The following NCAPG2 variants were observed in gnomAD, a reference collection of about 807,000 sequenced individuals.
NCAPG2 encodes the protein condensin-2 complex subunit G2.
A neutral mutation model predicts 141.1 loss-of-function variants in NCAPG2; 53 were observed. That is an observed-to-expected ratio of 0.38 (90% CI 0.30 to 0.47). The LOEUF (loss-of-function observed/expected upper bound fraction) is 0.47, where lower values mean the gene tolerates loss of function less well. NCAPG2 is among the 20% of genes least tolerant of loss of function. The pLI, the probability that NCAPG2 is intolerant of heterozygous loss-of-function variation, is 0.99. For synonymous variants in NCAPG2, 499 were observed against 490.7 expected, an observed-to-expected ratio of 1.02 and a Z score of -0.22; for missense variants, 1,087 against 1,389.0, an observed-to-expected ratio of 0.78 and a Z score of 3.46.
At chr7:158,662,421 A>G in intron 15 of NCAPG2, 54 bp from the exon 16 acceptor site, 2 of 1,434,788 alleles carry the variant, frequency 1.4e-6, no homozygotes. Context: ...AACTACTAAA[A>G]GGTAACAGCA....
In NCAPG2 at chr7:158,668,328, C is replaced by T. The variant is rs533641881; in HGVS notation, c.1479+3186G>A. ...CTTACCCACTACTGGGTCCCTCCGC[C>T]CTCCCTTACCCACAACTGGGTCCCT... On this transcript the variant is annotated intron_variant, in intron 13 of 27. Coordinates refer to ENST00000356309, the MANE Select transcript of NCAPG2 (RefSeq NM_017760.7). 75 of 966,364 alleles carry T rather than the reference C, an allele frequency of 7.8e-5. No homozygotes were observed. In the African/African-American group the frequency reaches 1.4e-3, roughly 19 times the overall value. 59.9% of individuals were successfully genotyped at this position (966,364 alleles called of 1,614,324 possible). A position where few individuals can be genotyped will look rare whatever the true frequency, so the allele number is the denominator to read the frequency against.
chr7:158,657,965 A>T (rs534067167), intron 17 of NCAPG2, among the ~76,000 whole-genome samples: 1 of 151,872 alleles, frequency 6.6e-6, no homozygotes, highest in South Asian at 2.1e-4. Flanking sequence ...CATGCTCGTT[A>T]AGAGTCATCA....
In NCAPG2 at chr7:158,667,386, A is replaced by G. The variant is rs1434586897; in HGVS notation, c.1480-2636T>C. 10 of 145,992 alleles carry G rather than the reference A, an allele frequency of 6.8e-5. 1 individual carries two copies. The African/African-American group carries it at 1.1e-3, about 15-fold the overall frequency. 9.0% of individuals were successfully genotyped at this position (145,992 alleles called of 1,614,324 possible). On this transcript the variant is annotated intron_variant, in intron 13 of 27. Transcript: ENST00000356309. ...CGGATCCCTCCGCCCCCCCTTACCC[A>G]CTACTGGGTCCCTCCGCCCTCCTTA... is the stretch of plus-strand genomic sequence containing the variant.
chr7:158,659,191 T>C lies in NCAPG2; in HGVS notation c.1990-783A>G, dbSNP rs184968839. Among the ~76,000 whole-genome samples, 294 of 151,570 alleles carry C rather than the reference T, an allele frequency of 1.9e-3. 4 individuals carry two copies. Among genetic ancestry groups the C allele is most frequent in the African/African-American group, 6.9e-3 (287 of 41,298 alleles). On this transcript the variant is annotated intron_variant, in intron 16 of 27. Coordinates refer to ENST00000356309, the MANE Select transcript of NCAPG2 (RefSeq NM_017760.7). Reference sequence around the variant, plus strand: ...CTGAAAATTCAAAATTAGCCAGGCATGGTGGCTCACGCCTGTAATCCCAAC... The same window carrying C: ...CTGAAAATTCAAAATTAGCCAGGCACGGTGGCTCACGCCTGTAATCCCAAC...
At chr7:158,664,106 G>A (rs868067934) in intron 15 of NCAPG2, 78 bp downstream of exon 15, 13 of 1,107,128 alleles carry the variant, frequency 1.2e-5, no homozygotes, top group Non-Finnish European at 1.4e-5. Flanking sequence ...GAAAACATAG[G>A]AATATTCCTA....
At chr7:158,684,861 A>G (rs1834661093) in intron 8 of NCAPG2, among the ~76,000 whole-genome samples, 1 of 152,094 alleles carries the variant, frequency 6.6e-6, no homozygotes, top group Non-Finnish European at 1.5e-5. Context: ...CCTATTTTTT[A>G]TTTTCTAGAA....
At chr7:158,654,719 C>A (rs747516448) in intron 21 of NCAPG2, 25 bp from the exon 22 acceptor site, 32 of 1,597,698 alleles carry the variant, frequency 2.0e-5, no homozygotes, top group Non-Finnish European at 2.6e-5. Flanking sequence ...CACAGCTTAG[C>A]AACAAAGGCC....
chr7:158,645,679 G>C, intron 25 of NCAPG2, 60 bp from the exon 26 acceptor site: 3 of 1,476,988 alleles, frequency 2.0e-6, no homozygotes, highest in Non-Finnish European at 2.8e-6. Context: ...ATACATTATA[G>C]CAGAAGTACA....
chr7:158,634,120 T>C (rs376373585), intron 27 of NCAPG2, among the ~76,000 whole-genome samples: 38 of 152,276 alleles, frequency 2.5e-4, no homozygotes, highest in Non-Finnish European at 3.4e-4. Flanking sequence ...TAGAGAAAAA[T>C]GTTACGTTAA....
chr7:158,653,618 G>C (rs1831668705), intron 22 of NCAPG2, among the ~76,000 whole-genome samples: 1 of 152,028 alleles, frequency 6.6e-6, no homozygotes, highest in Admixed American at 6.6e-5. Context: ...AGACCCCTCT[G>C]GAATCTGCCA....
chr7:158,665,036 A>G (rs892148602), intron 13 of NCAPG2: 4 of 275,966 alleles, frequency 1.4e-5, no homozygotes, highest in Non-Finnish European at 2.7e-5. Flanking sequence ...AAACTCTCCA[A>G]TGATAGCTAT....
chr7:158,647,032 CAA>C (rs577862237), intron 24 of NCAPG2, among the ~76,000 whole-genome samples: 15 of 91,494 alleles, frequency 1.6e-4, no homozygotes, highest in Non-Finnish European at 1.4e-4. Flanking sequence ...CTCAATATGA[CAA>C]AAAAAAAAAA....
chr7:158,673,673 A>C (rs1293582064), intron 12 of NCAPG2, among the ~76,000 whole-genome samples: 4 of 152,238 alleles, frequency 2.6e-5, no homozygotes, highest in South Asian at 2.1e-4. Flanking sequence ...CTCTCAAAGA[A>C]GACGCTTGTC....
chr7:158,671,798 G>A, intron 12 of NCAPG2, 132 bp from the exon 13 acceptor site: 1 of 974,260 alleles, frequency 1.0e-6, no homozygotes, highest in South Asian at 1.7e-5. Context: ...ATATACCTAT[G>A]GAAAATACCA....
chr7:158,631,542 C>T lies in NCAPG2; in HGVS notation c.*124G>A. 1 of 979,620 alleles carries T rather than the reference C, an allele frequency of 1.0e-6. No homozygotes were observed. The highest frequency in any genetic ancestry group is 1.4e-5 in the South Asian group (1 of 70,350). 60.7% of individuals were successfully genotyped at this position (979,620 alleles called of 1,614,324 possible). A position where few individuals can be genotyped will look rare whatever the true frequency, so the allele number is the denominator to read the frequency against. On this transcript the variant is annotated 3_prime_UTR_variant, in exon 28 of 28. Transcript: ENST00000356309. The stretch of plus-strand genomic sequence containing the variant: ...TAACCCCCACCTTCCCACATTCCCA[C>T]AAAAAAATCCCACCCTTTCCCTATT...
At position 158,704,799 on chromosome 7, in the gene NCAPG2, GC is replaced by G. The variant is rs937181379; in HGVS notation, c.-116del. ...CCCGCCGGCGCCCCAGACGGGCCCCGCCCTCCCGGTCGTCATCAGGCGCCGC... is the reference window on the plus strand; with the variant it reads ...CCCGCCGGCGCCCCAGACGGGCCCCGCCTCCCGGTCGTCATCAGGCGCCGC... On this transcript the variant is annotated 5_prime_UTR_variant, in exon 1 of 28. Coordinates refer to ENST00000356309, the MANE Select transcript of NCAPG2 (RefSeq NM_017760.7). 3 of 152,220 alleles carry G rather than the reference GC, an allele frequency of 2.0e-5. No homozygotes were observed. The highest frequency in any genetic ancestry group is 1.3e-4 in the Admixed American group (2 of 15,280). The allele number at this position is 152,220 out of a possible 1,614,324, so 9.4% of individuals were successfully genotyped here. A position where few individuals can be genotyped will look rare whatever the true frequency, so the allele number is the denominator to read the frequency against.
chr7:158,657,246 A>G (rs1832053242), intron 17 of NCAPG2, among the ~76,000 whole-genome samples: 1 of 152,194 alleles, frequency 6.6e-6, no homozygotes, highest in East Asian at 1.9e-4. Flanking sequence ...AATCTATCCA[A>G]AATCATTTTA....
chr7:158,636,263 T>C (rs894507659), intron 27 of NCAPG2, among the ~76,000 whole-genome samples: 2 of 152,308 alleles, frequency 1.3e-5, no homozygotes, highest in East Asian at 1.9e-4. Context: ...TTCAAGTAGT[T>C]AGCCTGAAAC....
At chr7:158,664,409 C>A (rs1306795932) in intron 14 of NCAPG2, 113 bp from the exon 15 acceptor site, 7 of 1,484,990 alleles carry the variant, frequency 4.7e-6, no homozygotes, top group Non-Finnish European at 5.6e-6. Context: ...TAAGGGAAAT[C>A]ATTCAGAAAT....
Sources: gnomAD v4.1 joint callset for allele counts (sites outside exome capture counted in the v4.1 genomes callset) on GRCh38, gnomAD v4.1.1 for gene constraint, MANE v1.5 for transcripts, NCBI Gene and HGNC (gene_info 2026-07-23, HGNC 2026-07-21) for gene names.